Variants in FGGY observed in about 807,000 individuals in gnomAD.
The protein encoded by FGGY is FGGY carbohydrate kinase domain-containing protein.
In FGGY, 72 loss-of-function variants were observed where a neutral mutation model predicts 71.3. The observed-to-expected ratio is 1.01, with a 90% CI of 0.84 to 1.23. The LOEUF (loss-of-function observed/expected upper bound fraction) is 1.23. Among genes scored for constraint, FGGY ranks in the 50% most tolerant of loss-of-function variants. FGGY has a pLI of 0.00. For missense variants in FGGY, 668 were observed against 682.3 expected (o/e 0.98, Z 0.23); for synonymous variants, 251 against 250.3 (o/e 1.00, Z -0.02).
At chr1:59,661,942 A>G (rs1208140934) in intron 12 of FGGY, among the ~76,000 whole-genome samples, 1 of 150,138 alleles carries the variant, frequency 6.7e-6, no homozygotes, top group Admixed American at 6.6e-5. Context: ...GATAGTCTGG[A>G]TCTCCTGACC....
chr1:59,477,345 GC>G (rs1275223457), intron 6 of FGGY, among the ~76,000 whole-genome samples: 1 of 152,104 alleles, frequency 6.6e-6, no homozygotes, highest in African/African-American at 2.4e-5. Context: ...AAGTTTCCCA[GC>G]ACCAGCTAAC....
rs533008495 is a variant in FGGY, at chr1:59,590,165, C to T, written c.904-17638C>T. On this transcript the variant is annotated intron_variant, in intron 8 of 15. Transcript: ENST00000303721. Reference sequence around the variant, plus strand: ...TCAGAGAATACTACAAACACCTCTACTCAAATAAACTAGAAAATCTAGAAG... The same window carrying T: ...TCAGAGAATACTACAAACACCTCTATTCAAATAAACTAGAAAATCTAGAAG... 4.3e-3 allele frequency among the ~76,000 whole-genome samples: 651 copies of T among 152,264 alleles called. 6 individuals carry two copies. Among genetic ancestry groups the T allele is most frequent in the Middle Eastern group, 0.014 (4 of 294 alleles).
intron 11 of FGGY, among the ~76,000 whole-genome samples, chr1:59,659,282 G>A (rs1249308499): frequency 6.6e-6 from 1 of 152,156 alleles, no homozygotes; most frequent in Non-Finnish European, 1.5e-5. Context: ...TTGCAGTGGG[G>A]TTCAGGGTGA....
intron 6 of FGGY, among the ~76,000 whole-genome samples, chr1:59,478,624 G>A (rs981489328): frequency 6.6e-6 from 1 of 152,188 alleles, no homozygotes; most frequent in Non-Finnish European, 1.5e-5. Flanking sequence ...GCAAGATAAT[G>A]AGTTTGTGCC....
chr1:59,425,597 T>TGCCTG (rs1429235839), intron 5 of FGGY, among the ~76,000 whole-genome samples: 1 of 152,208 alleles, frequency 6.6e-6, no homozygotes, highest in Non-Finnish European at 1.5e-5. Context: ...CTCTGCCTCA[T>TGCCTG]GCCTGTGTTC....
chr1:59,483,343 C>G (rs1238618040), intron 6 of FGGY, among the ~76,000 whole-genome samples: 1 of 152,136 alleles, frequency 6.6e-6, no homozygotes, highest in Non-Finnish European at 1.5e-5. Context: ...AGATATTGTG[C>G]TACATACTGG....
At chr1:59,364,734 C>T (rs958259512) in intron 4 of FGGY, among the ~76,000 whole-genome samples, 4 of 152,216 alleles carry the variant, frequency 2.6e-5, no homozygotes, top group Non-Finnish European at 4.4e-5. Context: ...GCATCTGACT[C>T]AGCATAGGGA....
intron 12 of FGGY, among the ~76,000 whole-genome samples, chr1:59,662,594 T>G (rs1422706942): frequency 6.6e-6 from 1 of 152,198 alleles, no homozygotes; most frequent in Non-Finnish European, 1.5e-5. Flanking sequence ...TCCTATATGA[T>G]GGTGGTCCTA....
intron 11 of FGGY, among the ~76,000 whole-genome samples, chr1:59,658,444 T>C (rs1364193673): frequency 6.6e-6 from 1 of 152,238 alleles, no homozygotes; most frequent in Non-Finnish European, 1.5e-5. Context: ...CTAATCTGAT[T>C]GCCCAATTAT....
intron 14 of FGGY, among the ~76,000 whole-genome samples, chr1:59,696,233 G>A (rs1402677482): frequency 1.3e-5 from 2 of 152,108 alleles, no homozygotes; most frequent in African/African-American, 4.8e-5. Context: ...TGACATTCAG[G>A]CATTCTACGT....
At chr1:59,347,047 G>A (rs116346504) in intron 4 of FGGY, among the ~76,000 whole-genome samples, 3,582 of 148,604 alleles carry the variant, frequency 0.024, 171 homozygotes, top group African/African-American at 0.085. Flanking sequence ...CTCAGAAAAA[G>A]TGTATCTTTT....
intron 5 of FGGY, among the ~76,000 whole-genome samples, chr1:59,437,574 G>A (rs2068748681): frequency 6.6e-6 from 1 of 152,210 alleles, no homozygotes; most frequent in Non-Finnish European, 1.5e-5. Context: ...GGAGGAGTTA[G>A]GGAAGTGCTT....
chr1:59,675,912 G>A (rs1184674309), intron 14 of FGGY, among the ~76,000 whole-genome samples: 1 of 152,118 alleles, frequency 6.6e-6, no homozygotes, highest in Non-Finnish European at 1.5e-5. Context: ...GAGGGCAGGA[G>A]CCTAGTCTGA....
At chr1:59,498,192 A>G (rs1030029895) in intron 6 of FGGY, among the ~76,000 whole-genome samples, 2 of 148,300 alleles carry the variant, frequency 1.3e-5, no homozygotes, top group Non-Finnish European at 3.0e-5. Context: ...TTATCATTCA[A>G]CTTTCACAAC....
intron 9 of FGGY, among the ~76,000 whole-genome samples, chr1:59,618,061 TCCATCGCGTTA>T (rs2096774068): frequency 6.6e-6 from 1 of 152,136 alleles, no homozygotes; most frequent in African/African-American, 2.4e-5. Context: ...ATTCACTCCT[TCCATCGCGTTA>T]CAGAGATTTC....
intron 6 of FGGY, among the ~76,000 whole-genome samples, chr1:59,491,223 A>G (rs1188944535): frequency 2.8e-5 from 4 of 142,702 alleles, no homozygotes; most frequent in South Asian, 2.2e-4. Flanking sequence ...TTGTGGTTCC[A>G]TACAAATTTT....
At chr1:59,624,875 T>A (rs148586468) in intron 9 of FGGY, among the ~76,000 whole-genome samples, 182 of 152,200 alleles carry the variant, frequency 1.2e-3, no homozygotes, top group African/African-American at 4.2e-3. Flanking sequence ...AGACAAACCA[T>A]ATCAAGCAGA....
chr1:59,569,126 G>A (rs183108545), intron 8 of FGGY, among the ~76,000 whole-genome samples: 1 of 152,284 alleles, frequency 6.6e-6, no homozygotes, highest in East Asian at 1.9e-4. Context: ...TACTTCACAT[G>A]TGACAGTTTC....
At chr1:59,691,824 A>G (rs1473919768) in intron 14 of FGGY, among the ~76,000 whole-genome samples, 1 of 152,012 alleles carries the variant, frequency 6.6e-6, no homozygotes, top group Non-Finnish European at 1.5e-5. Context: ...TGGATTTGTA[A>G]AAAACCCCTT....
Sources: allele counts gnomAD v4.1 joint callset (sites outside exome capture counted in the v4.1 genomes callset), GRCh38; gene constraint gnomAD v4.1.1; transcripts MANE v1.5; gene names NCBI Gene and HGNC (gene_info 2026-07-23, HGNC 2026-07-21).